The following SLC9A1 variants were observed in gnomAD, a reference collection of about 807,000 sequenced individuals.
SLC9A1 encodes the protein solute carrier family 9 member A1.
Under a neutral mutation model 67.9 loss-of-function variants are expected in SLC9A1, and 22 were observed. The observed-to-expected ratio is 0.32, with a 90% CI of 0.23 to 0.46. The LOEUF (loss-of-function observed/expected upper bound fraction) is 0.46. SLC9A1 is among the 20% of genes least tolerant of loss of function. SLC9A1 has a pLI of 1.00. For missense variants in SLC9A1, 686 were observed against 1,094.8 expected, an observed-to-expected ratio of 0.63 and a Z score of 5.27; for synonymous variants, 421 against 471.8, an observed-to-expected ratio of 0.89 and a Z score of 1.40.
intron 1 of SLC9A1, among the ~76,000 whole-genome samples, chr1:27,142,520 C>T (rs989425469): frequency 1.3e-5 from 2 of 152,222 alleles, no homozygotes; most frequent in Non-Finnish European, 2.9e-5. Flanking sequence ...TAGCTGCATC[C>T]TCAAAGCCTG....
chr1:27,140,935 C>T (rs537848446), intron 1 of SLC9A1, among the ~76,000 whole-genome samples: 33 of 152,270 alleles, frequency 2.2e-4, no homozygotes, highest in Admixed American at 1.8e-3. Flanking sequence ...AGCCCAGGCA[C>T]GGCAGCTCAC....
intron 1 of SLC9A1, among the ~76,000 whole-genome samples, chr1:27,120,811 G>A (rs1436046266): frequency 6.6e-6 from 1 of 152,090 alleles, no homozygotes; most frequent in Non-Finnish European, 1.5e-5. Context: ...GCAAGGCTCT[G>A]TGCAGGGGGC....
At chr1:27,107,913 G>C (rs1386815512) in intron 3 of SLC9A1, 48 bp from the exon 4 acceptor site, 1 of 1,399,692 alleles carries the variant, frequency 7.1e-7, no homozygotes, top group Admixed American at 2.0e-5. Flanking sequence ...AGCTGCACCT[G>C]CTCGAGCCCC....
intron 7 of SLC9A1, 28 bp downstream of exon 7, chr1:27,102,645 C>T: frequency 6.2e-7 from 1 of 1,613,154 alleles, no homozygotes; most frequent in South Asian, 1.1e-5. Context: ...CTGCCCCTCC[C>T]TGCCTGCCCA....
intron 1 of SLC9A1, among the ~76,000 whole-genome samples, chr1:27,129,762 C>T (rs1274937438): frequency 6.6e-6 from 1 of 152,104 alleles, no homozygotes. Context: ...ATGGTGCCAA[C>T]CCCCCCATTC....
intron 1 of SLC9A1, among the ~76,000 whole-genome samples, chr1:27,139,093 C>T (rs751364369): frequency 1.3e-5 from 2 of 152,226 alleles, no homozygotes; most frequent in South Asian, 2.1e-4. Flanking sequence ...CATCCAGCCC[C>T]GCCCACCTAC....
rs1472615638 is a variant in SLC9A1, at chr1:27,137,190, A to G, written c.352+16793T>C. On this transcript the variant is annotated intron_variant, in intron 1 of 11. Coordinates refer to ENST00000263980, the MANE Select transcript of SLC9A1 (RefSeq NM_003047.5). The surrounding 1 kb of genome is among the most constrained non-coding windows in gnomAD (Gnocchi z 4.6). ...CCAACCACGCAACTGTGTCTGCTGC[A>G]TGGTAGGTGCTCAGAGGCAGGCTGA... 6.6e-6 allele frequency among the ~76,000 whole-genome samples: 1 copy of G among 152,252 alleles called. No individual in the cohort carries two copies. Among genetic ancestry groups the G allele is most frequent in the African/African-American group, 2.4e-5 (1 of 41,472 alleles).
chr1:27,110,163 G>A (rs1570852418), intron 2 of SLC9A1, among the ~76,000 whole-genome samples: 1 of 152,220 alleles, frequency 6.6e-6, no homozygotes, highest in Non-Finnish European at 1.5e-5. Context: ...CTGCTGTGAG[G>A]ACTAAATCAG....
At chr1:27,153,801 A>G (rs2083547388) in intron 1 of SLC9A1, among the ~76,000 whole-genome samples, 182 bp downstream of exon 1, 1 of 152,196 alleles carries the variant, frequency 6.6e-6, no homozygotes, top group South Asian at 2.1e-4. Flanking sequence ...GGGAAGCCTC[A>G]GATCACAGAT....
chr1:27,099,883 AG>A lies in SLC9A1; in HGVS notation c.*423del, dbSNP rs2083127003. The A allele has an allele frequency of 6.0e-6, 1 of 166,552 alleles. No individual in the cohort carries two copies. The highest frequency in any genetic ancestry group is 6.3e-5 in the Admixed American group (1 of 15,796). 10.3% of individuals were successfully genotyped at this position (166,552 alleles called of 1,614,324 possible). A position where few individuals can be genotyped will look rare whatever the true frequency, so the allele number is the denominator to read the frequency against. On this transcript the variant is annotated 3_prime_UTR_variant, in exon 12 of 12. Transcript: ENST00000263980. ...CCCCTGGTTTGTCCCCTGATAAAGCAGGGCCTACTCAAGGGAGGCCTCAGCT... is the reference window on the plus strand; with the variant it reads ...CCCCTGGTTTGTCCCCTGATAAAGCAGGCCTACTCAAGGGAGGCCTCAGCT...
In SLC9A1 at chr1:27,109,814, G is replaced by GGGCCCT. The variant is rs768476213; in HGVS notation, c.814-43_814-38dup. ...GTGCAGGCTGGTGGGTGGGAGGAGA[G>GGGCCCT]GGCCCTGGCCCCACGGTTCCCTGGG... On this transcript the variant is annotated intron_variant, in intron 2 of 11. Transcript: ENST00000263980. This position sits in a 1 kb window ranked among gnomAD's most constrained non-coding sequence, Gnocchi z 5.5. 5 of 1,610,658 alleles carry GGGCCCT rather than the reference G, an allele frequency of 3.1e-6. No individual in the cohort carries two copies. The highest frequency in any genetic ancestry group is 2.7e-5 in the African/African-American group (2 of 74,878).
At chr1:27,151,136 T>C (rs1261830976) in intron 1 of SLC9A1, among the ~76,000 whole-genome samples, 1 of 152,080 alleles carries the variant, frequency 6.6e-6, no homozygotes, top group East Asian at 1.9e-4. Flanking sequence ...AGGAAGGACA[T>C]TGGTGGCAGC....
rs1202141700 is a variant in SLC9A1 at position 27,114,260 on chromosome 1, T to C, written c.379A>G (p.Ser127Gly). Reference protein sequence around the residue: ...IGFHVIPTISSIVPESCLLIV... With the variant: ...IGFHVIPTISGIVPESCLLIV... ...AGCAGGCAGCTCTCCGGGACGATGC[T>C]TGAGATAGTGGGGATCACATGGAAA... is the stretch of plus-strand genomic sequence containing the variant. The change falls in exon 2 of 12, where the codon AGC (serine) becomes GGC (glycine). Residue 127 changes from serine to glycine, a missense_variant. Coordinates refer to ENST00000263980, the MANE Select transcript of SLC9A1 (RefSeq NM_003047.5). This position sits in a 1 kb window ranked among gnomAD's most constrained non-coding sequence, Gnocchi z 5.4. 11 of 1,612,796 alleles carry C rather than the reference T, an allele frequency of 6.8e-6. No individual in the cohort carries two copies. Among genetic ancestry groups the C allele is most frequent in the African/African-American group, 1.3e-5 (1 of 74,992 alleles).
Position 27,102,417 on chromosome 1 carries a change from C to G in SLC9A1, c.1788G>C (p.Lys596Asn). Residue 596 changes from lysine to asparagine, a missense_variant, in exon 8 of 12, where the codon AAG becomes AAC. Coordinates refer to ENST00000263980, the MANE Select transcript of SLC9A1 (RefSeq NM_003047.5). ...AGACGGTGGAGACGGCAGAGGGGAT[C>G]TTGCCCATGCCCCCGCTCTCCACCA... ...IELVESGGMGKIPSAVSTVSM... is the reference protein window; with the variant it reads ...IELVESGGMGNIPSAVSTVSM... 1 of 1,603,274 alleles carries G rather than the reference C, an allele frequency of 6.2e-7. No homozygotes were observed. Among genetic ancestry groups the G allele is most frequent in the South Asian group, 1.1e-5 (1 of 90,734 alleles).
Position 27,154,181 on chromosome 1 carries a change from G to A in SLC9A1, c.154C>T (p.Pro52Ser), listed in dbSNP as rs1172613506. The change falls in exon 1 of 12, where the codon CCA (proline) becomes TCA (serine). Residue 52 changes from proline to serine, a missense_variant. Physicochemically the swap from Pro to Ser is moderately conservative, Grantham distance 74. Coordinates refer to ENST00000263980, the MANE Select transcript of SLC9A1 (RefSeq NM_003047.5). ...TASTIRSSEP[P>S]RERSIGDVTT... ...ACATCCCCAATCGAGCGTTCTCGTG[G>A]TGGCTCTGAGCTTCGAATGGTGCTG... 6.2e-7 allele frequency: 1 copy of A among 1,614,182 alleles called. No individual in the cohort carries two copies. Among genetic ancestry groups the A allele is most frequent in the East Asian group, 2.2e-5 (1 of 44,886 alleles).
chr1:27,141,798 C>T (rs948100190), intron 1 of SLC9A1, among the ~76,000 whole-genome samples: 1 of 152,216 alleles, frequency 6.6e-6, no homozygotes, highest in Non-Finnish European at 1.5e-5. Flanking sequence ...GGTGAGTTGG[C>T]CCCGCCTCAT....
Position 27,108,415 on chromosome 1 carries a change from C to T in SLC9A1, c.1065-550G>A, listed in dbSNP as rs950651602. ...GATCTTGGCTGGGCACGGTGGCTCA[C>T]GCCTGTAATCCCAGCACTTTGGGAG... On this transcript the variant is annotated intron_variant, in intron 3 of 11. Coordinates refer to ENST00000263980, the MANE Select transcript of SLC9A1 (RefSeq NM_003047.5). Among the ~76,000 whole-genome samples, 6 of 143,174 alleles carry T rather than the reference C, an allele frequency of 4.2e-5. No homozygotes were observed. In the East Asian group the frequency reaches 6.7e-4, roughly 16 times the overall value. 93.9% of individuals were successfully genotyped at this position (143,174 alleles called of 152,430 possible).
intron 1 of SLC9A1, among the ~76,000 whole-genome samples, chr1:27,122,665 AT>A (rs2083312388): frequency 2.0e-5 from 3 of 152,326 alleles, no homozygotes; most frequent in African/African-American, 7.2e-5. Flanking sequence ...TCAAGGACCC[AT>A]TTCTGTAACC....
chr1:27,110,790 T>C (rs1046947811), intron 2 of SLC9A1, among the ~76,000 whole-genome samples: 2 of 152,140 alleles, frequency 1.3e-5, no homozygotes, highest in African/African-American at 4.8e-5. Flanking sequence ...GCCCCTCCTA[T>C]TGCTAGGTCC....
Sources: allele counts gnomAD v4.1 joint callset (sites outside exome capture counted in the v4.1 genomes callset), GRCh38; gene constraint gnomAD v4.1.1; non-coding constraint Gnocchi (gnomAD v3.1); transcripts MANE v1.5; gene names NCBI Gene and HGNC (gene_info 2026-07-23, HGNC 2026-07-21).